NPIPB2: variants seen among roughly 807,000 people sequenced by gnomAD.
NPIPB2 encodes the protein nuclear pore complex interacting protein family member B2, also known as nuclear pore complex-interacting protein family member B2.
A neutral mutation model predicts 30.8 loss-of-function variants in NPIPB2; 27 were observed. The observed-to-expected ratio is 0.88, with a 90% CI of 0.65 to 1.21. The LOEUF is 1.21. Ranked by LOEUF, NPIPB2 falls within the 50% of genes most tolerant of loss-of-function variation. NPIPB2 has a pLI of 0.00. For synonymous variants in NPIPB2, 147 were observed against 162.0 expected (o/e 0.91, Z 0.70); for missense variants, 440 against 446.2 (o/e 0.99, Z 0.13).
At chr16:11,933,697 C>G (rs1194581684) in exon 4 of NPIPB2, 4 of 1,596,930 alleles carry the variant, frequency 2.5e-6, no homozygotes, top group African/African-American at 1.3e-5. Context: ...TGTGTGCATA[C>G]AAATGGACCT....
At chr16:11,972,692 G>T (rs2055243174) in intron 1 of NPIPB2, among the ~76,000 whole-genome samples, 1 of 151,726 alleles carries the variant, frequency 6.6e-6, no homozygotes, top group South Asian at 2.1e-4. Context: ...GGCCAACATG[G>T]TGAAACCCCG....
At chr16:11,959,342 G>T (rs1250520852) in intron 1 of NPIPB2, among the ~76,000 whole-genome samples, 1 of 152,138 alleles carries the variant, frequency 6.6e-6, no homozygotes, top group African/African-American at 2.4e-5. Flanking sequence ...AGCACTTTGG[G>T]AGGCTGAAGT....
At position 11,939,559 on chromosome 16, in the gene NPIPB2, C is replaced by CAA. The variant is rs1186690178; in HGVS notation, c.64-1893_64-1892dup. Among the ~76,000 whole-genome samples, 197 of 28,818 alleles carry CAA rather than the reference C, an allele frequency of 6.8e-3. 6 individuals carry two copies. Among genetic ancestry groups the CAA allele is most frequent in the Middle Eastern group, 0.023 (1 of 44 alleles). The allele number at this position is 28,818 out of a possible 152,430, so 18.9% of individuals were successfully genotyped here. A position where few individuals can be genotyped will look rare whatever the true frequency, so the allele number is the denominator to read the frequency against. On this transcript the variant is annotated intron_variant, in intron 1 of 7. Transcript: ENST00000399147. ...TGGGTGACAGAGCGAGACTCTGTCT[C>CAA]AAAAAAAAAAAAAAAAAAAAAAATT...
intron 1 of NPIPB2, among the ~76,000 whole-genome samples, chr16:11,953,778 C>T (rs906214301): frequency 7.1e-6 from 1 of 141,246 alleles, no homozygotes; most frequent in Non-Finnish European, 1.5e-5. Context: ...TGCAGTGGCA[C>T]GATTCTCCTG....
chr16:11,973,190 T>C (rs115514510), intron 1 of NPIPB2, among the ~76,000 whole-genome samples: 1,779 of 148,266 alleles, frequency 0.012, 37 homozygotes, highest in African/African-American at 0.042. Flanking sequence ...AAAAAGACTC[T>C]ATTCTATCAG....
intron 1 of NPIPB2, among the ~76,000 whole-genome samples, chr16:11,957,595 T>C (rs562697293): frequency 1.3e-5 from 2 of 152,264 alleles, no homozygotes; most frequent in South Asian, 4.1e-4. Flanking sequence ...TGCCTGGCCC[T>C]TAAATCAGTA....
upstream of NPIPB2, among the ~76,000 whole-genome samples, chr16:11,945,004 C>A (rs1242871140): frequency 6.7e-6 from 1 of 150,284 alleles, no homozygotes. Flanking sequence ...CATGGAGAAA[C>A]CCCATCTCTA....
In NPIPB2 at chr16:11,973,928, G is replaced by T. The variant is rs1442787302; in HGVS notation, c.-584+2640C>A. Among the ~76,000 whole-genome samples, 4 of 152,228 alleles carry T rather than the reference G, an allele frequency of 2.6e-5. No homozygotes were observed. The South Asian group carries it at 8.3e-4, about 31-fold the overall frequency. ...GAGATGGAATGGATCCTGGAATGGA[G>T]ATTATGCTGTAAACAGTTCTCTTTG... is the stretch of plus-strand genomic sequence containing the variant. On this transcript the variant is annotated intron_variant, in intron 1 of 5. Transcript: ENST00000538896.
chr16:11,973,412 A>G (rs1237301734), intron 1 of NPIPB2, among the ~76,000 whole-genome samples: 2 of 152,114 alleles, frequency 1.3e-5, no homozygotes, highest in Non-Finnish European at 2.9e-5. Flanking sequence ...GGCCAAGGGG[A>G]AAACTTCCTC....
chr16:11,930,341 C>T (rs2054774661), intron 5 of NPIPB2, 109 bp downstream of exon 5: 2 of 1,030,966 alleles, frequency 1.9e-6, no homozygotes, highest in Admixed American at 4.3e-5. Context: ...TGTCTTCTGA[C>T]CATTTGTTTC....
intron 1 of NPIPB2, among the ~76,000 whole-genome samples, chr16:11,952,175 CA>C (rs112970450): frequency 1.2e-4 from 16 of 128,834 alleles, no homozygotes; most frequent in African/African-American, 4.4e-4. Context: ...AAAAACAAAA[CA>C]AAAAAAAAAA....
chr16:11,974,407 C>T (rs991319896), intron 1 of NPIPB2, among the ~76,000 whole-genome samples: 1 of 152,124 alleles, frequency 6.6e-6, no homozygotes, highest in Non-Finnish European at 1.5e-5. Flanking sequence ...ATCCTACCTA[C>T]TCGGGAGGCT....
In NPIPB2 at chr16:11,951,666, A is replaced by ACACC. The variant is rs1226047972; in HGVS notation, c.-583-9553_-583-9552insGGTG. Among the ~76,000 whole-genome samples, 857 of 138,880 alleles carry ACACC rather than the reference A, an allele frequency of 6.2e-3. 11 individuals carry two copies. The highest frequency in any genetic ancestry group is 0.02 in the Middle Eastern group (5 of 252). 91.1% of individuals were successfully genotyped at this position (138,880 alleles called of 152,430 possible). A position where few individuals can be genotyped will look rare whatever the true frequency, so the allele number is the denominator to read the frequency against. ...CACACACACACACACACACACACACACCCAGCCCCCAAACAACAAAATTCA... is the reference window on the plus strand; with the variant it reads ...CACACACACACACACACACACACACACACCCCCAGCCCCCAAACAACAAAATTCA... On this transcript the variant is annotated intron_variant, in intron 1 of 5. Transcript: ENST00000538896.
At chr16:11,967,921 G>T in intron 1 of NPIPB2, 1 of 1,515,534 alleles carries the variant, frequency 6.6e-7, no homozygotes, top group Middle Eastern at 2.0e-4. Flanking sequence ...GATCTCTTTA[G>T]GATGACTGTA....
intron 1 of NPIPB2, among the ~76,000 whole-genome samples, chr16:11,964,267 T>C (rs953603758): frequency 6.6e-6 from 1 of 152,122 alleles, no homozygotes; most frequent in Non-Finnish European, 1.5e-5. Context: ...TTTTCAACAA[T>C]GGAACATAGA....
upstream of NPIPB2, among the ~76,000 whole-genome samples, chr16:11,943,651 G>A (rs1451417384): frequency 6.6e-6 from 1 of 151,294 alleles, no homozygotes; most frequent in African/African-American, 2.4e-5. Context: ...GCAGTGAGCT[G>A]AGATCGCGCC....
At chr16:11,963,101 C>T (rs189744404) in intron 1 of NPIPB2, among the ~76,000 whole-genome samples, 2 of 151,972 alleles carry the variant, frequency 1.3e-5, no homozygotes, top group Admixed American at 1.3e-4. Context: ...AAAAATCATC[C>T]AGGCTAGGTG....
At position 11,965,147 on chromosome 16, in the gene NPIPB2, A is replaced by T. The variant is rs947520239; in HGVS notation, c.-584+11421T>A. 1.3e-5 allele frequency: 9 copies of T among 714,916 alleles called. No homozygotes were observed. The African/African-American group carries it at 1.6e-4, about 13-fold the overall frequency. The allele number at this position is 714,916 out of a possible 1,614,324, so 44.3% of individuals were successfully genotyped here. On this transcript the variant is annotated intron_variant, in intron 1 of 5. Transcript: ENST00000538896. ...AAACTTGAATTAGATGTGGTATTCAAATCCTTAGCTGCCGCGAAGACACAG... is the reference window on the plus strand; with the variant it reads ...AAACTTGAATTAGATGTGGTATTCATATCCTTAGCTGCCGCGAAGACACAG...
At chr16:11,931,456 A>G (rs1408576014) in intron 4 of NPIPB2, among the ~76,000 whole-genome samples, 1 of 149,924 alleles carries the variant, frequency 6.7e-6, no homozygotes, top group Non-Finnish European at 1.5e-5. Flanking sequence ...GGGCGAAAAC[A>G]CTTCAAAGAG....
Sources: gnomAD v4.1 joint callset for allele counts (sites outside exome capture counted in the v4.1 genomes callset) on GRCh38, gnomAD v4.1.1 for gene constraint, MANE v1.5 for transcripts, NCBI Gene and HGNC (gene_info 2026-07-23, HGNC 2026-07-21) for gene names.